The following CHCT1 variants were observed in gnomAD, a reference collection of about 807,000 sequenced individuals.
CHCT1 encodes the protein CHD1 helical C-terminal domain containing protein 1.
chr17:60,425,981 C>T, the CHCT1 span: 202 of 1,276,894 alleles, frequency 1.6e-4, 3 homozygotes, highest in East Asian at 4.2e-3. Context: ...CAGCGCATTG[C>T]CCCACTTGTC....
chr17:60,422,477 A>C, the CHCT1 span: 8 of 1,531,594 alleles, frequency 5.2e-6, no homozygotes, highest in East Asian at 2.0e-4. Flanking sequence ...CTTTGCTCCG[A>C]GTTCTGGAGC....
the CHCT1 span, chr17:60,421,634 C>T: frequency 2.1e-6 from 2 of 966,898 alleles, no homozygotes; most frequent in Non-Finnish European, 1.2e-6. Context: ...CGCCGTGTGC[C>T]GCCCAGGGAC....
chr17:60,427,808 TA>T, the CHCT1 span, among the ~76,000 whole-genome samples: 1 of 152,110 alleles, frequency 6.6e-6, no homozygotes, highest in Non-Finnish European at 1.5e-5. Context: ...GCCATGGTCC[TA>T]AAAACCCCCT....
At chr17:60,422,054 C>T in the CHCT1 span, 1 of 701,516 alleles carries the variant, frequency 1.4e-6, no homozygotes, top group Admixed American at 6.3e-5. Flanking sequence ...TTATTATTAA[C>T]AACTTCCTGG....
chr17:60,425,640 G>T, the CHCT1 span: 2 of 600,466 alleles, frequency 3.3e-6, no homozygotes, highest in African/African-American at 3.7e-5. Context: ...TTTGCCCAAG[G>T]CTCACTCACA....
chr17:60,430,817 T>C, the CHCT1 span, among the ~76,000 whole-genome samples: 1 of 151,934 alleles, frequency 6.6e-6, no homozygotes, highest in Non-Finnish European at 1.5e-5. Context: ...GGCAATGGGG[T>C]TTGCAAACAG....
At chr17:60,425,920 T>C in the CHCT1 span, 1 of 1,508,542 alleles carries the variant, frequency 6.6e-7, no homozygotes. Flanking sequence ...CTGTCCCCTT[T>C]TCCCCATTGG....
At chr17:60,422,428 G>T in the CHCT1 span, 134 of 1,479,862 alleles carry the variant, frequency 9.1e-5, no homozygotes, top group Non-Finnish European at 1.2e-4. Context: ...AAATGGGAGC[G>T]GGGTGGGGGG....
chr17:60,431,352 A>G, the CHCT1 span: 1 of 917,460 alleles, frequency 1.1e-6, no homozygotes, highest in South Asian at 1.6e-5. Context: ...AATTGTCCTT[A>G]TCAAAAAGAT....
At chr17:60,426,977 T>C in the CHCT1 span, 1 of 856,454 alleles carries the variant, frequency 1.2e-6, no homozygotes, top group African/African-American at 1.8e-5. Flanking sequence ...ACCCCTGCCC[T>C]GGGCAGAGTG....
At chr17:60,422,214 C>T in the CHCT1 span, 19 of 305,610 alleles carry the variant, frequency 6.2e-5, no homozygotes, top group Admixed American at 9.4e-5. Flanking sequence ...AGGAATGGCA[C>T]ACGTGCAGGA....
the CHCT1 span, among the ~76,000 whole-genome samples, chr17:60,423,608 C>T: frequency 6.6e-6 from 1 of 152,070 alleles, no homozygotes; most frequent in African/African-American, 2.4e-5. Context: ...GGATTACAGG[C>T]ACGTGCCACC....
At chr17:60,426,417 C>A in the CHCT1 span, 1 of 1,370,262 alleles carries the variant, frequency 7.3e-7, no homozygotes, top group Non-Finnish European at 9.8e-7. Context: ...CTTAGTCAAT[C>A]CCCCAGTCCT....
chr17:60,426,909 G>A, the CHCT1 span: 2 of 1,532,546 alleles, frequency 1.3e-6, no homozygotes, highest in South Asian at 1.2e-5. Flanking sequence ...CACACCCAGA[G>A]CCCCTCTGGT....
the CHCT1 span, chr17:60,429,546 A>G: frequency 6.2e-7 from 1 of 1,614,024 alleles, no homozygotes; most frequent in Non-Finnish European, 8.5e-7. Context: ...TCCCAGGACC[A>G]TGTCAAGAAA....
the CHCT1 span, chr17:60,431,155 A>G: frequency 6.7e-7 from 1 of 1,488,070 alleles, no homozygotes; most frequent in Non-Finnish European, 9.2e-7. Flanking sequence ...TGTCATTGGG[A>G]CTGTCTCTGA....
the CHCT1 span, among the ~76,000 whole-genome samples, chr17:60,425,251 G>A: frequency 1.3e-5 from 2 of 152,046 alleles, no homozygotes; most frequent in Admixed American, 6.6e-5. Flanking sequence ...ACATGATCTC[G>A]GCTCACTGCA....
chr17:60,422,560 GCCA>G, the CHCT1 span: 1 of 1,549,530 alleles, frequency 6.5e-7, no homozygotes, highest in South Asian at 1.2e-5. Context: ...CGTGGGGAGT[GCCA>G]CCCTGGAGCC....
At chr17:60,429,565 C>A in the CHCT1 span, 1 of 1,612,616 alleles carries the variant, frequency 6.2e-7, no homozygotes, top group African/African-American at 1.3e-5. Flanking sequence ...AAGGTAATGA[C>A]CATTTGGTGT....
Sources: allele counts gnomAD v4.1 joint callset (sites outside exome capture counted in the v4.1 genomes callset), GRCh38; gene constraint gnomAD v4.1.1; transcripts MANE v1.5; gene names NCBI Gene and HGNC (gene_info 2026-07-23, HGNC 2026-07-21).